PAX5: variants seen among roughly 807,000 people sequenced by gnomAD.
PAX5 encodes the protein paired box protein Pax-5.
A neutral mutation model predicts 43.7 loss-of-function variants in PAX5; 9 were observed. The observed-to-expected ratio is 0.21, with a 90% CI of 0.12 to 0.36. The LOEUF (loss-of-function observed/expected upper bound fraction) is 0.36. Among genes scored for constraint, PAX5 ranks in the 10% least tolerant of loss-of-function variants. The pLI is 1.00. For missense variants in PAX5, 383 were observed against 532.7 expected (o/e 0.72, Z 2.77); for synonymous variants, 228 against 214.3 (o/e 1.06, Z -0.56).
Position 36,838,373 on chromosome 9 carries a change from G to C in PAX5, c.*2187C>G. On this transcript the variant is annotated 3_prime_UTR_variant, in exon 10 of 10. Coordinates refer to ENST00000358127, the MANE Select transcript of PAX5 (RefSeq NM_016734.3). ...GATGTGGATAGACCAGGGTGACAGGGAACACCATGGGTTGGGGGTCAGGAG... is the reference window on the plus strand; with the variant it reads ...GATGTGGATAGACCAGGGTGACAGGCAACACCATGGGTTGGGGGTCAGGAG... 4.3e-6 allele frequency: 1 copy of C among 232,696 alleles called. No individual in the cohort carries two copies. The highest frequency in any genetic ancestry group is 8.5e-6 in the Non-Finnish European group (1 of 117,716). The allele number at this position is 232,696 out of a possible 1,614,324, so 14.4% of individuals were successfully genotyped here. A position where few individuals can be genotyped will look rare whatever the true frequency, so the allele number is the denominator to read the frequency against.
chr9:36,930,833 G>T, intron 6 of PAX5: 2 of 1,304,230 alleles, frequency 1.5e-6, no homozygotes, highest in South Asian at 2.5e-5. Context: ...ACTCAAGGAG[G>T]CACGTGCCCC....
At chr9:37,010,970 A>C (rs1304883844) in intron 3 of PAX5, among the ~76,000 whole-genome samples, 2 of 151,940 alleles carry the variant, frequency 1.3e-5, no homozygotes, top group African/African-American at 4.8e-5. Flanking sequence ...AAAATGCAAA[A>C]AATTAGCCAG....
At chr9:36,988,159 G>A (rs1836614664) in intron 5 of PAX5, among the ~76,000 whole-genome samples, 1 of 152,120 alleles carries the variant, frequency 6.6e-6, no homozygotes, top group Non-Finnish European at 1.5e-5. Flanking sequence ...ACACCGCAAG[G>A]CCACGGCTGA....
chr9:36,868,816 CG>C (rs1340744188), intron 8 of PAX5, among the ~76,000 whole-genome samples: 4 of 152,128 alleles, frequency 2.6e-5, no homozygotes, highest in Non-Finnish European at 5.9e-5. Context: ...CACCACCTCC[CG>C]AACCCAGTCA....
At chr9:36,955,467 G>A (rs531810465) in intron 6 of PAX5, among the ~76,000 whole-genome samples, 19 of 152,052 alleles carry the variant, frequency 1.2e-4, no homozygotes, top group Admixed American at 1.2e-3. Context: ...GTAGAATCAA[G>A]TTTCCCTACT....
At chr9:37,009,905 C>A (rs1160526701) in intron 3 of PAX5, among the ~76,000 whole-genome samples, 1 of 152,180 alleles carries the variant, frequency 6.6e-6, no homozygotes, top group Admixed American at 6.5e-5. Flanking sequence ...GCCACTCTCA[C>A]ACTGTTTTAA....
intron 7 of PAX5, among the ~76,000 whole-genome samples, chr9:36,914,073 G>A (rs1432110705): frequency 1.3e-5 from 2 of 152,178 alleles, no homozygotes; most frequent in Non-Finnish European, 2.9e-5. Flanking sequence ...GAAAATCCAT[G>A]GGGGCTTCTC....
intron 1 of PAX5, among the ~76,000 whole-genome samples, chr9:37,030,984 T>A (rs953712872): frequency 1.3e-5 from 2 of 152,150 alleles, no homozygotes; most frequent in African/African-American, 2.4e-5. Flanking sequence ...ACTTCATTTT[T>A]AAAAAATAAA....
Position 36,847,048 on chromosome 9 carries a change from C to A in PAX5, c.1013-119G>T. On this transcript the variant is annotated intron_variant, in intron 8 of 9. Transcript: ENST00000358127. ...ATTTGCCTCTTCCGTGAGTTGCAGGCGCTTTTGTAACCAACAAAAGCAAGT... is the reference window on the plus strand; with the variant it reads ...ATTTGCCTCTTCCGTGAGTTGCAGGAGCTTTTGTAACCAACAAAAGCAAGT... 4 of 656,246 alleles carry A rather than the reference C, an allele frequency of 6.1e-6. No homozygotes were observed. In the Admixed American group the frequency reaches 7.7e-5, roughly 13 times the overall value. 40.7% of individuals were successfully genotyped at this position (656,246 alleles called of 1,614,324 possible).
chr9:36,865,005 G>T (rs1050673554), intron 8 of PAX5, among the ~76,000 whole-genome samples: 4 of 152,246 alleles, frequency 2.6e-5, no homozygotes, highest in Admixed American at 6.5e-5. Flanking sequence ...CTTCCCGCCC[G>T]CGAAGGAACA....
At chr9:37,014,761 C>T (rs1023499627) in intron 3 of PAX5, among the ~76,000 whole-genome samples, 15 of 152,256 alleles carry the variant, frequency 9.9e-5, no homozygotes, top group Middle Eastern at 3.4e-3. Flanking sequence ...GAAACTCGAG[C>T]GGCCAGGGTG....
intron 7 of PAX5, among the ~76,000 whole-genome samples, chr9:36,894,770 G>A (rs1827705261): frequency 6.6e-6 from 1 of 152,198 alleles, no homozygotes; most frequent in Non-Finnish European, 1.5e-5. Flanking sequence ...AGCCACCCTC[G>A]GGCCATCCCA....
At chr9:36,914,811 A>C (rs766329714) in intron 7 of PAX5, among the ~76,000 whole-genome samples, 3 of 152,364 alleles carry the variant, frequency 2.0e-5, no homozygotes, top group Middle Eastern at 6.8e-3. Flanking sequence ...GGATCTTCAC[A>C]TACAAGCATC....
At chr9:36,857,846 AC>A (rs1222290031) in intron 8 of PAX5, among the ~76,000 whole-genome samples, 2 of 152,278 alleles carry the variant, frequency 1.3e-5, no homozygotes, top group African/African-American at 4.8e-5. Flanking sequence ...AATGTAGGAT[AC>A]TGGCCGATAA....
chr9:36,840,402 C>G lies in PAX5; in HGVS notation c.*158G>C. 1.3e-6 allele frequency: 1 copy of G among 746,608 alleles called. No individual in the cohort carries two copies. Among genetic ancestry groups the G allele is most frequent in the East Asian group, 2.7e-5 (1 of 37,274 alleles). 46.2% of individuals were successfully genotyped at this position (746,608 alleles called of 1,614,324 possible). A position where few individuals can be genotyped will look rare whatever the true frequency, so the allele number is the denominator to read the frequency against. ...AGTCCAACGGCCCCACCAAAGGGCC[C>G]CAGAGTCCCTGGAGGAAGAGAGGAA... On this transcript the variant is annotated 3_prime_UTR_variant, in exon 10 of 10. Coordinates refer to ENST00000358127, the MANE Select transcript of PAX5 (RefSeq NM_016734.3).
intron 6 of PAX5, among the ~76,000 whole-genome samples, chr9:36,963,493 G>A (rs1182242407): frequency 2.6e-5 from 4 of 152,168 alleles, no homozygotes; most frequent in African/African-American, 9.7e-5. Context: ...CTCTTGTCCT[G>A]CGGGCTCTGA....
chr9:36,988,575 A>T (rs1002474319), intron 5 of PAX5, among the ~76,000 whole-genome samples: 1 of 150,498 alleles, frequency 6.6e-6, no homozygotes, highest in Admixed American at 6.6e-5. Flanking sequence ...AAGTGGAAGG[A>T]TCACTTGAGC....
intron 8 of PAX5, among the ~76,000 whole-genome samples, chr9:36,864,065 C>A (rs1440170727): frequency 6.6e-6 from 1 of 152,224 alleles, no homozygotes; most frequent in African/African-American, 2.4e-5. Context: ...GCCGAGATTG[C>A]ACCGCTACAT....
chr9:36,951,074 C>G (rs1832969027), intron 6 of PAX5, among the ~76,000 whole-genome samples: 1 of 152,148 alleles, frequency 6.6e-6, no homozygotes. Flanking sequence ...TCCACTTCCT[C>G]TACAAGTTCC....
Sources: gnomAD v4.1 joint callset for allele counts (sites outside exome capture counted in the v4.1 genomes callset) on GRCh38, gnomAD v4.1.1 for gene constraint, MANE v1.5 for transcripts, NCBI Gene and HGNC (gene_info 2026-07-23, HGNC 2026-07-21) for gene names.